EDEM3: variants seen among roughly 807,000 people sequenced by gnomAD.
EDEM3 encodes ER degradation-enhancing alpha-mannosidase-like protein 3.
Under a neutral mutation model 110.2 loss-of-function variants are expected in EDEM3, and 60 were observed. The observed-to-expected ratio is 0.54, with a 90% CI of 0.44 to 0.67. The LOEUF (loss-of-function observed/expected upper bound fraction) is 0.67. Ranked by LOEUF, EDEM3 falls within the 30% of genes least tolerant of loss-of-function variation. EDEM3 has a pLI of 0.00. For missense variants in EDEM3, 996 were observed against 1,121.0 expected, an observed-to-expected ratio of 0.89 and a Z score of 1.59; for synonymous variants, 352 against 382.9, an observed-to-expected ratio of 0.92 and a Z score of 0.94.
chr1:184,739,981 G>C (rs1442889185), intron 2 of EDEM3, among the ~76,000 whole-genome samples: 2 of 152,112 alleles, frequency 1.3e-5, no homozygotes, highest in African/African-American at 4.8e-5. Context: ...CTGCATACAT[G>C]GCCACGAGCC....
At chr1:184,744,259 T>C (rs1384632205) in intron 2 of EDEM3, among the ~76,000 whole-genome samples, 70 of 42,916 alleles carry the variant, frequency 1.6e-3, no homozygotes, top group Non-Finnish European at 3.0e-3. Context: ...AATATATATA[T>C]ATATATATAT....
At chr1:184,754,352 C>T (rs1014671543) in intron 1 of EDEM3, 137 bp downstream of exon 1, 2 of 1,399,012 alleles carry the variant, frequency 1.4e-6, no homozygotes, top group Admixed American at 5.0e-5. Flanking sequence ...CCTGTCCACC[C>T]CTCTAGGGTT....
At chr1:184,718,285 CAT>C (rs1650667107) in intron 11 of EDEM3, among the ~76,000 whole-genome samples, 1 of 151,846 alleles carries the variant, frequency 6.6e-6, no homozygotes, top group Non-Finnish European at 1.5e-5. Context: ...TATTCAATAA[CAT>C]AATCAATTGG....
chr1:184,711,487 C>T (rs965549049), intron 15 of EDEM3, among the ~76,000 whole-genome samples: 3 of 152,038 alleles, frequency 2.0e-5, no homozygotes, highest in East Asian at 3.9e-4. Flanking sequence ...TACCTTAGTT[C>T]ATAAAATAAA....
rs1218111879 is a variant in EDEM3, at chr1:184,754,578, C to A, written c.69G>T (p.Ala23=). ...ACACCAGGCAGAACGCGGCCGTCGC[C>A]GCCACTAGTCTCCATCGCGCTCGCT... ...VPQRARWRLV[A]ATAAFCLVSA... The change falls in exon 1 of 20, where the codon GCG becomes GCT. Residue 23 remains alanine, a synonymous_variant. Coordinates refer to ENST00000318130, the MANE Select transcript of EDEM3 (RefSeq NM_025191.4). 2.5e-6 allele frequency: 4 copies of A among 1,612,012 alleles called. No individual in the cohort carries two copies. The African/African-American group carries it at 4.0e-5, about 16-fold the overall frequency.
At chr1:184,697,240 A>G (rs954104905) in intron 19 of EDEM3, among the ~76,000 whole-genome samples, 50 of 151,910 alleles carry the variant, frequency 3.3e-4, no homozygotes, top group Non-Finnish European at 2.9e-5. Flanking sequence ...AGATTTGATT[A>G]AATTTATAGG....
chr1:184,741,318 G>A (rs1242422635), intron 2 of EDEM3, among the ~76,000 whole-genome samples: 3 of 152,048 alleles, frequency 2.0e-5, no homozygotes, highest in African/African-American at 7.2e-5. Flanking sequence ...AGAATTGCTT[G>A]AACCTGGGAG....
chr1:184,702,909 A>G lies in EDEM3; in HGVS notation c.2291T>C (p.Met764Thr). The change falls in exon 19 of 20, where the codon ATG (methionine) becomes ACG (threonine). Residue 764 changes from methionine to threonine, a missense_variant. This residue lies in a region of EDEM3 where 345 missense variants were observed against 402.0 expected (regional missense o/e 0.86). Coordinates refer to ENST00000318130, the MANE Select transcript of EDEM3 (RefSeq NM_025191.4). Reference sequence around the variant, plus strand: ...TCCTTCTTTGCTGAATAAGAACAGCATGGGGATCTTGATGTCATCTGTATC... The same window carrying G: ...TCCTTCTTTGCTGAATAAGAACAGCGTGGGGATCTTGATGTCATCTGTATC... ...GKDTDDIKIP[M>T]LFLFSKEGSI... The G allele has an allele frequency of 6.2e-7, 1 of 1,613,796 alleles. No homozygotes were observed. Among genetic ancestry groups the G allele is most frequent in the Non-Finnish European group, 8.5e-7 (1 of 1,179,822 alleles).
chr1:184,707,646 T>A (rs1340609929), intron 17 of EDEM3, among the ~76,000 whole-genome samples: 1 of 152,206 alleles, frequency 6.6e-6, no homozygotes, highest in Non-Finnish European at 1.5e-5. Flanking sequence ...CTTTGTGAAT[T>A]GCTTAGTTAT....
rs201235401 is a variant in EDEM3 at position 184,734,592 on chromosome 1, C to A, written c.397G>T (p.Asp133Tyr). 3.9e-6 allele frequency: 6 copies of A among 1,554,482 alleles called. No homozygotes were observed. Among genetic ancestry groups the A allele is most frequent in the Non-Finnish European group, 5.2e-6 (6 of 1,148,208 alleles). ...ACTACATCGTTATCTAAATTAACATCTCTTAAAACTTTTCTCACTGCATCT... is the reference window on the plus strand; with the variant it reads ...ACTACATCGTTATCTAAATTAACATATCTTAAAACTTTTCTCACTGCATCT... ...FEDAVRKVLRDVNLDNDVVVS... is the reference protein window; with the variant it reads ...FEDAVRKVLRYVNLDNDVVVS... Residue 133 changes from aspartate (D) to tyrosine (Y), a missense_variant, in exon 5 of 20, where the codon GAT becomes TAT. Physicochemically the swap from Asp to Tyr is radical, Grantham distance 160. Around this residue, in one of 5 missense-constraint regions of EDEM3, gnomAD observed 200 missense variants for 183.8 expected, o/e 1.09. Coordinates refer to ENST00000318130, the MANE Select transcript of EDEM3 (RefSeq NM_025191.4).
At chr1:184,737,203 C>A (rs1571408415) in intron 3 of EDEM3, 139 bp from the exon 4 acceptor site, 1 of 685,114 alleles carries the variant, frequency 1.5e-6, no homozygotes, top group East Asian at 2.7e-5. Flanking sequence ...ACAATGAAAC[C>A]TATAAGGCTC....
In EDEM3 at chr1:184,747,371, C is replaced by T. The variant is rs370690408; in HGVS notation, c.204+2176G>A. ...TAAAAGTGTTTCTGAGTGTAGGGAC[C>T]GGAAAAAAATTTCCAACTGACTTCA... On this transcript the variant is annotated intron_variant, in intron 2 of 19. Transcript: ENST00000318130. 1.1e-4 allele frequency among the ~76,000 whole-genome samples: 16 copies of T among 151,884 alleles called. No homozygotes were observed. The South Asian group carries it at 1.2e-3, about 12-fold the overall frequency.
In EDEM3 at chr1:184,690,529, C is replaced by G. The variant is rs183755615; in HGVS notation, c.*3534G>C. ...GGAATATTTACATATTTTATTAAAT[C>G]TTTACAATCAGTAATTATAATCAAA... is the stretch of plus-strand genomic sequence containing the variant. On this transcript the variant is annotated 3_prime_UTR_variant, in exon 20 of 20. Transcript: ENST00000318130. 6.6e-6 allele frequency: 1 copy of G among 152,562 alleles called. No individual in the cohort carries two copies. The allele number at this position is 152,562 out of a possible 1,614,324, so 9.5% of individuals were successfully genotyped here. A position where few individuals can be genotyped will look rare whatever the true frequency, so the allele number is the denominator to read the frequency against.
In EDEM3 at chr1:184,732,759, T is replaced by C. The variant is rs1651596303; in HGVS notation, c.612+78A>G. 3 of 1,409,750 alleles carry C rather than the reference T, an allele frequency of 2.1e-6. No homozygotes were observed. In the Admixed American group the frequency reaches 7.0e-5, roughly 33 times the overall value. The allele number at this position is 1,409,750 out of a possible 1,614,324, so 87.3% of individuals were successfully genotyped here. ...TCAGCCTCAAGCTGGTGAAGAACAA[T>C]GGCTCTGATCACAAAACTTCATTTT... is the stretch of plus-strand genomic sequence containing the variant. On this transcript the variant is annotated intron_variant, in intron 6 of 19. Transcript: ENST00000318130.
In EDEM3 at chr1:184,694,144, C is replaced by A. The variant is rs768968700; in HGVS notation, c.2718G>T (p.Lys906Asn). 1 of 1,613,320 alleles carries A rather than the reference C, an allele frequency of 6.2e-7. No homozygotes were observed. The highest frequency in any genetic ancestry group is 8.5e-7 in the Non-Finnish European group (1 of 1,179,604). The change falls in exon 20 of 20, where the codon AAG (lysine) becomes AAT (asparagine). Residue 906 changes from lysine to asparagine, a missense_variant. Lys to Asn is a moderately conservative substitution (Grantham distance 94, BLOSUM62 0). Around this residue, in one of 5 missense-constraint regions of EDEM3, gnomAD observed 345 missense variants for 402.0 expected, o/e 0.86. Transcript: ENST00000318130. The stretch of plus-strand genomic sequence containing the variant: ...CTAATATGGAGTCTATAGGCTGGAC[C>A]TTTTTACCCCAGCTAACATTAGGAT... ...DSNPNVSWGK[K>N]VQPIDSILAD...
chr1:184,704,223 G>A (rs913483349), intron 18 of EDEM3, among the ~76,000 whole-genome samples: 22 of 151,936 alleles, frequency 1.4e-4, no homozygotes, highest in Admixed American at 8.5e-4. Flanking sequence ...AAGATAATTC[G>A]TATTTCTAAC....
chr1:184,750,518 C>CTTTT (rs376949251), intron 1 of EDEM3, among the ~76,000 whole-genome samples: 6 of 146,452 alleles, frequency 4.1e-5, no homozygotes, highest in Non-Finnish European at 6.0e-5. Context: ...TTAACTTTTT[C>CTTTT]TTTTTTTTTT....
In EDEM3 at chr1:184,695,609, C is replaced by A. The variant is rs150703892; in HGVS notation, c.2390-1137G>T. ...GGAGAATAATGACAAGAAAAAAAAT[C>A]TCTGTATGTTCAATACAGATGCTTT... On this transcript the variant is annotated intron_variant, in intron 19 of 19. Transcript: ENST00000318130. Among the ~76,000 whole-genome samples the A allele has an allele frequency of 5.3e-5, 8 of 152,042 alleles. No homozygotes were observed. In the East Asian group the frequency reaches 1.4e-3, roughly 26 times the overall value.
chr1:184,733,087 T>G, intron 5 of EDEM3, 97 bp from the exon 6 acceptor site: 1 of 1,330,456 alleles, frequency 7.5e-7, no homozygotes, highest in Non-Finnish European at 1.0e-6. Context: ...ATTTAACATA[T>G]TTAAGGAAAG....
Sources: gnomAD v4.1 joint callset for allele counts (sites outside exome capture counted in the v4.1 genomes callset) on GRCh38, gnomAD v4.1.1 for gene constraint, gnomAD v4.1.1 regional missense constraint, MANE v1.5 for transcripts, NCBI Gene and HGNC (gene_info 2026-07-23, HGNC 2026-07-21) for gene names.